The following CRBN variants were observed in gnomAD, a reference collection of about 807,000 sequenced individuals.
The protein encoded by CRBN is protein cereblon.
Under a neutral mutation model 62.2 loss-of-function variants are expected in CRBN, and 53 were observed. The ratio of observed to expected loss-of-function variants is 0.85; its 90% confidence interval spans 0.68 to 1.07. The LOEUF is 1.07. CRBN is among the 50% of genes least tolerant of loss of function. The probability of loss-of-function intolerance (pLI) is 0.00; values close to 1 mark genes in which losing one functional copy is unlikely to be tolerated. For missense variants in CRBN, 616 were observed against 531.1 expected (o/e 1.16, Z -1.57); for synonymous variants, 208 against 176.1 (o/e 1.18, Z -1.43).
At chr3:3,177,803 G>A (rs1026119362) in intron 1 of CRBN, among the ~76,000 whole-genome samples, 1 of 151,908 alleles carries the variant, frequency 6.6e-6, no homozygotes, top group African/African-American at 2.4e-5. Flanking sequence ...ATTTGCCTAG[G>A]ATAAACTCTT....
chr3:3,156,276 C>T lies in CRBN; in HGVS notation c.693G>A (p.Lys231=), dbSNP rs1481265666. ...ATGAAGTTAGATTTGCACAATGAAACTTTCTCTGAAAACAAAACAAAAAGG... is the reference window on the plus strand; with the variant it reads ...ATGAAGTTAGATTTGCACAATGAAATTTTCTCTGAAAACAAAACAAAAAGG... ...YKWWQKYQKR[K]FHCANLTSWP... The change falls in exon 6 of 11, where the codon AAG becomes AAA. Residue 231 remains lysine (K), a synonymous_variant. Coordinates refer to ENST00000231948, the MANE Select transcript of CRBN (RefSeq NM_016302.4). The T allele has an allele frequency of 6.2e-7, 1 of 1,613,784 alleles. No homozygotes were observed. The highest frequency in any genetic ancestry group is 8.5e-7 in the Non-Finnish European group (1 of 1,179,878).
In CRBN at chr3:3,174,032, T is replaced by G. The variant is rs145326620; in HGVS notation, c.377+27A>C. The G allele has an allele frequency of 1.6e-5, 25 of 1,585,198 alleles. No individual in the cohort carries two copies. The East Asian group carries it at 3.4e-4, about 21-fold the overall frequency. On this transcript the variant is annotated intron_variant, in intron 3 of 10. Coordinates refer to ENST00000231948, the MANE Select transcript of CRBN (RefSeq NM_016302.4). ...GCAATTACCCATGAGAGGGAATGTA[T>G]TAAGCAAATGGACTCTAATATTTTA...
intron 7 of CRBN, 28 bp from the exon 8 acceptor site, chr3:3,154,103 A>T (rs372411530): frequency 2.4e-5 from 32 of 1,336,450 alleles, no homozygotes; most frequent in Non-Finnish European, 9.7e-6. Flanking sequence ...TCAAGTTTTA[A>T]ACTTAGGAGT....
intron 5 of CRBN, among the ~76,000 whole-genome samples, chr3:3,158,142 T>C (rs1706982309): frequency 6.6e-6 from 1 of 152,140 alleles, no homozygotes; most frequent in South Asian, 2.1e-4. Context: ...GGGTGGAGGA[T>C]GGTTTTGGAA....
Position 3,176,715 on chromosome 3 carries a change from G to A in CRBN, c.68-1446C>T, listed in dbSNP as rs147193930. On this transcript the variant is annotated intron_variant, in intron 1 of 10. Coordinates refer to ENST00000231948, the MANE Select transcript of CRBN (RefSeq NM_016302.4). Reference sequence around the variant, plus strand: ...TGTGCTATTGCACTCCAGCCTGGGCGACAGAGCAAGACTCCATCTCAAAAG... The same window carrying A: ...TGTGCTATTGCACTCCAGCCTGGGCAACAGAGCAAGACTCCATCTCAAAAG... Among the ~76,000 whole-genome samples, 129 of 152,302 alleles carry A rather than the reference G, an allele frequency of 8.5e-4. 2 individuals carry two copies. In the East Asian group the frequency reaches 0.021, roughly 25 times the overall value.
At chr3:3,168,052 C>T (rs979655133) in intron 4 of CRBN, among the ~76,000 whole-genome samples, 5 of 152,066 alleles carry the variant, frequency 3.3e-5, no homozygotes, top group Non-Finnish European at 5.9e-5. Context: ...GAGATCTACA[C>T]ATTTCAGATA....
chr3:3,168,955 T>C (rs1225082342), intron 4 of CRBN, among the ~76,000 whole-genome samples: 1 of 152,174 alleles, frequency 6.6e-6, no homozygotes, highest in Non-Finnish European at 1.5e-5. Context: ...ATCTCAATTT[T>C]CTTCACCTGA....
At chr3:3,175,500 G>A (rs62228658) in intron 1 of CRBN, among the ~76,000 whole-genome samples, 42 of 152,124 alleles carry the variant, frequency 2.8e-4, no homozygotes, top group Non-Finnish European at 5.3e-4. Flanking sequence ...TTACAGAGAA[G>A]TGTAAAGATA....
intron 4 of CRBN, 143 bp from the exon 5 acceptor site, chr3:3,167,936 G>A (rs1275633814): frequency 2.9e-5 from 21 of 729,452 alleles, no homozygotes; most frequent in Non-Finnish European, 4.5e-5. Flanking sequence ...CTGATGTTAA[G>A]ATACAGAAAC....
intron 5 of CRBN, among the ~76,000 whole-genome samples, chr3:3,157,750 T>C (rs1195735789): frequency 6.6e-6 from 1 of 152,178 alleles, no homozygotes; most frequent in Non-Finnish European, 1.5e-5. Flanking sequence ...ACTCCAATCC[T>C]ATTCTAGCTA....
chr3:3,154,402 G>T (rs1706787249), intron 7 of CRBN: 1 of 443,142 alleles, frequency 2.3e-6, no homozygotes, highest in Non-Finnish European at 4.1e-6. Flanking sequence ...TATAATTAAG[G>T]CAAGTCCTGG....
At chr3:3,168,482 C>T (rs1707442328) in intron 4 of CRBN, among the ~76,000 whole-genome samples, 1 of 152,116 alleles carries the variant, frequency 6.6e-6, no homozygotes, top group Admixed American at 6.6e-5. Context: ...CTAGTGCAAA[C>T]AGGAAGGTTG....
chr3:3,168,900 T>C (rs1707467442), intron 4 of CRBN, among the ~76,000 whole-genome samples: 1 of 152,228 alleles, frequency 6.6e-6, no homozygotes, highest in South Asian at 2.1e-4. Context: ...AGTCAAATTA[T>C]GGTCAAGTGT....
At chr3:3,163,389 G>A (rs1707213539) in intron 5 of CRBN, among the ~76,000 whole-genome samples, 1 of 152,162 alleles carries the variant, frequency 6.6e-6, no homozygotes, top group Non-Finnish European at 1.5e-5. Flanking sequence ...CTGAACCCAG[G>A]CAAATATGTG....
rs993736975 is a variant in CRBN at position 3,167,635 on chromosome 3, T to C, written c.686A>G (p.Lys229Arg). ...CSYKWWQKYQ[K>R]RKFHCANLTS... ...ATGCATAAAAAATTAGTTTCTCACC[T>C]TCTGGTATTTCTGCCACCATTTATA... Residue 229 changes from lysine to arginine, a missense_variant and splice_region_variant, in exon 5 of 11, where the codon AAG (lysine) becomes AGG (arginine). By Grantham distance (26) the Lys-to-Arg change is conservative. Coordinates refer to ENST00000231948, the MANE Select transcript of CRBN (RefSeq NM_016302.4). The C allele has an allele frequency of 6.2e-7, 1 of 1,612,820 alleles. No individual in the cohort carries two copies. The highest frequency in any genetic ancestry group is 8.5e-7 in the Non-Finnish European group (1 of 1,179,178).
chr3:3,167,565 T>C (rs935700851), intron 5 of CRBN, 69 bp downstream of exon 5: 33 of 1,463,840 alleles, frequency 2.3e-5, no homozygotes, highest in Non-Finnish European at 2.4e-5. Flanking sequence ...GTTGTGTTTC[T>C]TTCTTAAAAC....
rs1553558224 is a variant in CRBN, at chr3:3,150,845, T to TTAG, written c.*19_*20insCTA. ...GAATATAACCAATTTGTTAGATAAC[T>TTAG]TTATCTCTATCACATCTGTTTACAA... is the stretch of plus-strand genomic sequence containing the variant. On this transcript the variant is annotated 3_prime_UTR_variant, in exon 11 of 11. Coordinates refer to ENST00000231948, the MANE Select transcript of CRBN (RefSeq NM_016302.4). 1 of 1,607,956 alleles carries TTAG rather than the reference T, an allele frequency of 6.2e-7. No individual in the cohort carries two copies. Among genetic ancestry groups the TTAG allele is most frequent in the South Asian group, 1.1e-5 (1 of 90,660 alleles).
intron 5 of CRBN, 193 bp downstream of exon 5, chr3:3,167,441 T>A (rs1201290375): frequency 1.8e-6 from 1 of 568,168 alleles, no homozygotes; most frequent in Non-Finnish European, 3.1e-6. Context: ...CTGTGTGACA[T>A]TTTATTGCTT....
Position 3,150,847 on chromosome 3 carries a change from T to TATC in CRBN, c.*15_*17dup. On this transcript the variant is annotated 3_prime_UTR_variant, in exon 11 of 11. Coordinates refer to ENST00000231948, the MANE Select transcript of CRBN (RefSeq NM_016302.4). ...ATATAACCAATTTGTTAGATAACTT[T>TATC]ATCTCTATCACATCTGTTTACAAGC... The TATC allele has an allele frequency of 7.0e-7, 1 of 1,428,192 alleles. No homozygotes were observed. Among genetic ancestry groups the TATC allele is most frequent in the Non-Finnish European group, 9.7e-7 (1 of 1,028,836 alleles). 88.5% of individuals were successfully genotyped at this position (1,428,192 alleles called of 1,614,324 possible).
Sources: allele counts gnomAD v4.1 joint callset (sites outside exome capture counted in the v4.1 genomes callset), GRCh38; gene constraint gnomAD v4.1.1; transcripts MANE v1.5; gene names NCBI Gene and HGNC (gene_info 2026-07-23, HGNC 2026-07-21).